Variants in EVA1C observed in about 807,000 individuals in gnomAD.
EVA1C encodes the protein protein eva-1 homolog C.
A neutral mutation model predicts 45.4 loss-of-function variants in EVA1C; 25 were observed. That is an observed-to-expected ratio of 0.55 (90% CI 0.40 to 0.77). EVA1C has a LOEUF of 0.77. Ranked by LOEUF, EVA1C falls within the 30% of genes least tolerant of loss-of-function variation. EVA1C has a pLI of 0.00. For missense variants in EVA1C, 479 were observed against 554.8 expected (o/e 0.86, Z 1.37); for synonymous variants, 190 against 221.2 (o/e 0.86, Z 1.25).
intron 1 of EVA1C, among the ~76,000 whole-genome samples, chr21:32,445,138 G>A (rs1218378848): frequency 1.3e-5 from 2 of 152,134 alleles, no homozygotes; most frequent in Admixed American, 6.5e-5. Flanking sequence ...GATATTGGGG[G>A]AATATACAAT....
At position 32,412,884 on chromosome 21, in the gene EVA1C, C is replaced by A; in HGVS notation, c.31C>A (p.Pro11Thr). ...TCTGCCGGGACGCGCACGCCAACCG[C>A]CGACGCCCCAGCCCGTGCAGCATCC... Reference protein sequence around the residue: MLLPGRARQPPTPQPVQHPGL... With the variant: MLLPGRARQPTTPQPVQHPGL... Residue 11 changes from proline to threonine, a missense_variant, in exon 1 of 8, where the codon CCG (proline) becomes ACG (threonine). This residue lies in a region of EVA1C where 80 missense variants were observed against 63.8 expected (regional missense o/e 1.25). Transcript: ENST00000300255. 1.3e-6 allele frequency: 2 copies of A among 1,503,036 alleles called. No homozygotes were observed. Among genetic ancestry groups the A allele is most frequent in the South Asian group, 1.2e-5 (1 of 80,226 alleles). The allele number at this position is 1,503,036 out of a possible 1,614,324, so 93.1% of individuals were successfully genotyped here.
At chr21:32,454,699 G>A (rs527534479) in intron 2 of EVA1C, among the ~76,000 whole-genome samples, 25 of 152,138 alleles carry the variant, frequency 1.6e-4, no homozygotes, top group Admixed American at 7.2e-4. Context: ...TTTGTCGACC[G>A]TAGGAAATAT....
At chr21:32,467,608 G>T (rs543137492) in intron 3 of EVA1C, 88 bp from the exon 4 acceptor site, 3 of 1,349,374 alleles carry the variant, frequency 2.2e-6, no homozygotes, top group African/African-American at 3.0e-5. Context: ...GTGCAGCCCC[G>T]GGGAAATGAG....
At chr21:32,433,464 CGTTATCAG>C (rs1261346905) in intron 1 of EVA1C, among the ~76,000 whole-genome samples, 1 of 152,084 alleles carries the variant, frequency 6.6e-6, no homozygotes, top group East Asian at 1.9e-4. Context: ...GTCTCTGGCG[CGTTATCAG>C]GATGTGTCAC....
chr21:32,478,472 C>T (rs1347237549), intron 4 of EVA1C, among the ~76,000 whole-genome samples: 1 of 152,156 alleles, frequency 6.6e-6, no homozygotes, highest in Non-Finnish European at 1.5e-5. Flanking sequence ...CCTCCTGCCT[C>T]GGCCTCCCAA....
intron 4 of EVA1C, among the ~76,000 whole-genome samples, chr21:32,484,381 T>C (rs762522698): frequency 1.3e-5 from 2 of 151,852 alleles, no homozygotes; most frequent in Admixed American, 6.6e-5. Flanking sequence ...CCATCTCTAC[T>C]AAAATTACAA....
At chr21:32,482,854 CT>C (rs774611494) in intron 4 of EVA1C, among the ~76,000 whole-genome samples, 1,521 of 60,946 alleles carry the variant, frequency 0.025, 19 homozygotes, top group African/African-American at 0.11. Flanking sequence ...GTGTTATTCC[CT>C]TTTTTTTTTT....
chr21:32,415,057 C>T (rs946055880), intron 1 of EVA1C, among the ~76,000 whole-genome samples: 2 of 152,198 alleles, frequency 1.3e-5, no homozygotes, highest in African/African-American at 4.8e-5. Context: ...CTGCAAATTC[C>T]TAAGCTCCAA....
intron 4 of EVA1C, among the ~76,000 whole-genome samples, chr21:32,489,667 G>A (rs763669916): frequency 6.6e-6 from 1 of 152,134 alleles, no homozygotes; most frequent in African/African-American, 2.4e-5. Flanking sequence ...GGATTGCATT[G>A]AGCCTGTAGA....
chr21:32,420,488 C>T (rs1190028981), intron 1 of EVA1C, among the ~76,000 whole-genome samples: 1 of 152,240 alleles, frequency 6.6e-6, no homozygotes, highest in Non-Finnish European at 1.5e-5. Flanking sequence ...GGGCTCAAGC[C>T]ATCCTCCCAC....
In EVA1C at chr21:32,413,032, G is replaced by C. The variant is rs201684506; in HGVS notation, c.160+19G>C. On this transcript the variant is annotated intron_variant, in intron 1 of 7. Transcript: ENST00000300255. Reference sequence around the variant, plus strand: ...TTCTCTGGTAAGAGCGCCCTCCCTGGCTGTGTGCCCCCGGCACCGCGGAGC... The same window carrying C: ...TTCTCTGGTAAGAGCGCCCTCCCTGCCTGTGTGCCCCCGGCACCGCGGAGC... The C allele has an allele frequency of 1.8e-4, 252 of 1,382,594 alleles. 1 individual carries two copies. The East Asian group carries it at 7.1e-3, about 39-fold the overall frequency. 85.6% of individuals were successfully genotyped at this position (1,382,594 alleles called of 1,614,324 possible).
chr21:32,433,975 T>C (rs1200529076), intron 1 of EVA1C, among the ~76,000 whole-genome samples: 1 of 151,876 alleles, frequency 6.6e-6, no homozygotes, highest in Non-Finnish European at 1.5e-5. Flanking sequence ...CTGGCCAACA[T>C]AGCAAGACCC....
chr21:32,510,007 C>A (rs1311600588), intron 7 of EVA1C, among the ~76,000 whole-genome samples: 1 of 143,996 alleles, frequency 6.9e-6, no homozygotes, highest in Non-Finnish European at 1.5e-5. Context: ...CAGGAGTTGA[C>A]TTTTATTGCA....
Position 32,420,641 on chromosome 21 carries a change from G to A in EVA1C, c.160+7628G>A, listed in dbSNP as rs539324597. Among the ~76,000 whole-genome samples the A allele has an allele frequency of 4.7e-4, 72 of 152,122 alleles. 1 individual carries two copies. The highest frequency in any genetic ancestry group is 5.6e-4 in the Non-Finnish European group (38 of 68,000). On this transcript the variant is annotated intron_variant, in intron 1 of 7. Transcript: ENST00000300255. ...ACTCCTGGACTCAAGAGAGCCACCC[G>A]CCCTGGCCTCCCAAAGTGCTGGGAT...
intron 1 of EVA1C, among the ~76,000 whole-genome samples, chr21:32,423,592 C>G (rs2034374159): frequency 6.6e-6 from 1 of 152,008 alleles, no homozygotes. Flanking sequence ...AGTATGTTCA[C>G]AGACCTACTA....
At chr21:32,443,017 G>A (rs1383355404) in intron 1 of EVA1C, among the ~76,000 whole-genome samples, 1 of 137,650 alleles carries the variant, frequency 7.3e-6, no homozygotes, top group African/African-American at 2.6e-5. Flanking sequence ...AGGGAGGGAG[G>A]GAGGGAAGGA....
At chr21:32,491,585 G>A (rs1287727037) in intron 4 of EVA1C, among the ~76,000 whole-genome samples, 1 of 151,464 alleles carries the variant, frequency 6.6e-6, no homozygotes, top group Non-Finnish European at 1.5e-5. Context: ...TTGGTCGGCT[G>A]GGGCAAGAGA....
chr21:32,507,389 T>C (rs1053974798), intron 7 of EVA1C, among the ~76,000 whole-genome samples: 1 of 145,514 alleles, frequency 6.9e-6, no homozygotes, highest in Non-Finnish European at 1.5e-5. Context: ...TGTGTGCATG[T>C]GCGTCTGTGA....
chr21:32,501,976 T>G (rs1229408143), intron 6 of EVA1C, among the ~76,000 whole-genome samples: 4 of 148,416 alleles, frequency 2.7e-5, no homozygotes, highest in African/African-American at 7.6e-5. Flanking sequence ...CCTCTCTCTC[T>G]CTCGCTCTTT....
Sources: gnomAD v4.1 joint callset for allele counts (sites outside exome capture counted in the v4.1 genomes callset) on GRCh38, gnomAD v4.1.1 for gene constraint, gnomAD v4.1.1 regional missense constraint, MANE v1.5 for transcripts, NCBI Gene and HGNC (gene_info 2026-07-23, HGNC 2026-07-21) for gene names.